The following SMC4 variants were observed in gnomAD, a reference collection of about 807,000 sequenced individuals.
The protein encoded by SMC4 is structural maintenance of chromosomes protein 4.
A neutral mutation model predicts 145.6 loss-of-function variants in SMC4; 87 were observed. The ratio of observed to expected loss-of-function variants is 0.60; its 90% CI spans 0.50 to 0.71. SMC4 has a LOEUF of 0.71. SMC4 is among the 30% of genes least tolerant of loss of function. SMC4 has a pLI of 0.00. For synonymous variants in SMC4, 558 were observed against 500.7 expected, an observed-to-expected ratio of 1.11 and a Z score of -1.53; for missense variants, 1,447 against 1,537.1, an observed-to-expected ratio of 0.94 and a Z score of 0.98.
intron 15 of SMC4, 134 bp downstream of exon 15, chr3:160,423,974 T>A (rs1217989556): frequency 3.7e-6 from 2 of 543,616 alleles, no homozygotes; most frequent in East Asian, 6.0e-5. Flanking sequence ...TTTCTATAAA[T>A]GACTAGGGAT....
At position 160,430,712 on chromosome 3, in the gene SMC4, C is replaced by G. The variant is rs1034061376; in HGVS notation, c.2909C>G (p.Ala970Gly). 3.7e-6 allele frequency: 6 copies of G among 1,612,826 alleles called. No individual in the cohort carries two copies. The highest frequency in any genetic ancestry group is 1.1e-5 in the South Asian group (1 of 90,852). Reference protein sequence around the residue: ...AELKSLEDKAAEVVKNTNAAE... With the variant: ...AELKSLEDKAGEVVKNTNAAE... Reference sequence around the variant, plus strand: ...CTGAAAAGTCTTGAGGACAAAGCAGCAGAGGTCGTAAAGAATACAAATGCT... The same window carrying G: ...CTGAAAAGTCTTGAGGACAAAGCAGGAGAGGTCGTAAAGAATACAAATGCT... The change falls in exon 19 of 24, where the codon GCA (alanine) becomes GGA (glycine). Residue 970 changes from alanine to glycine, a missense_variant. Transcript: ENST00000357388.
In SMC4 at chr3:160,425,020, GTA is replaced by G. The variant is rs749856363; in HGVS notation, c.2478+3_2478+4del. 1.5e-4 allele frequency: 240 copies of G among 1,590,954 alleles called. No homozygotes were observed. The highest frequency in any genetic ancestry group is 8.9e-4 in the East Asian group (39 of 43,980). ...AGAAAAATTTACTGCAAGCATCCAG[GTA>G]TGTGTGTGTGTGTGTGTGTGTGTGT... On this transcript the variant is annotated splice_donor_variant and splice_donor_region_variant and intron_variant, in intron 16 of 23. Coordinates refer to ENST00000357388, the MANE Select transcript of SMC4 (RefSeq NM_001002800.3). LOFTEE classifies it high-confidence loss of function.
chr3:160,421,195 C>G (rs908650835), intron 13 of SMC4, among the ~76,000 whole-genome samples: 8 of 152,074 alleles, frequency 5.3e-5, no homozygotes, highest in African/African-American at 1.9e-4. Context: ...TCCCAGAGTG[C>G]TGGGATTACA....
At chr3:160,430,949 A>T in intron 19 of SMC4, 83 bp from the exon 20 acceptor site, 1 of 1,384,858 alleles carries the variant, frequency 7.2e-7, no homozygotes, top group African/African-American at 1.5e-5. Context: ...ATGAGGAGAG[A>T]TTGGTAATTC....
Position 160,416,336 on chromosome 3 carries a change from AAGAG to A in SMC4, c.1360_1363del (p.Glu454LysfsTer6), listed in dbSNP as rs1259547385. On this transcript the variant is annotated frameshift_variant, in exon 10 of 24. Transcript: ENST00000357388. LOFTEE classifies it high-confidence loss of function. ...AGAAACAATGCCCTCGAGAAGGAAAAAGAGAAAGAAGAAAAAAAATTAAAGGAAG... is the reference window on the plus strand; with the variant it reads ...AGAAACAATGCCCTCGAGAAGGAAAAAAAGAAGAAAAAAAATTAAAGGAAG... 1 of 1,606,928 alleles carries A rather than the reference AAGAG, an allele frequency of 6.2e-7. No individual in the cohort carries two copies. Among genetic ancestry groups the A allele is most frequent in the South Asian group, 1.1e-5 (1 of 89,834 alleles).
intron 2 of SMC4, 66 bp downstream of exon 2, chr3:160,401,031 C>T: frequency 1.5e-6 from 2 of 1,356,500 alleles, no homozygotes; most frequent in South Asian, 1.8e-5. Flanking sequence ...CGCGCCCAGC[C>T]CGAGGCTGGC....
In SMC4 at chr3:160,412,451, T is replaced by C. The variant is rs751696115; in HGVS notation, c.978T>C (p.Tyr326=). 8 of 1,599,868 alleles carry C rather than the reference T, an allele frequency of 5.0e-6. No homozygotes were observed. The highest frequency in any genetic ancestry group is 3.4e-5 in the South Asian group (3 of 89,420). ...AAAAGAATCATGTTTGTCAATATTA[T>C]ATGTAAGTGCCTTGATTGATATTAC... ...FRKKNHVCQY[Y]IYELQKRIAE... is the part of the protein sequence containing the mutation. The change falls in exon 7 of 24, where the codon TAT becomes TAC. Residue 326 remains tyrosine, a splice_region_variant and synonymous_variant. Coordinates refer to ENST00000357388, the MANE Select transcript of SMC4 (RefSeq NM_001002800.3).
chr3:160,416,449 G>T, intron 10 of SMC4, 34 bp downstream of exon 10: 1 of 1,328,096 alleles, frequency 7.5e-7, no homozygotes, highest in Non-Finnish European at 1.0e-6. Flanking sequence ...GTTTATTTTG[G>T]TGGCTTTTTT....
intron 23 of SMC4, 25 bp downstream of exon 23, chr3:160,433,234 AT>A: frequency 6.4e-7 from 1 of 1,552,654 alleles, no homozygotes; most frequent in Non-Finnish European, 8.8e-7. Context: ...TGGGATTTTC[AT>A]TCCAGAAACT....
chr3:160,426,241 A>G (rs76309161), intron 17 of SMC4, 41 bp downstream of exon 17: 1 of 1,492,760 alleles, frequency 6.7e-7, no homozygotes, highest in East Asian at 2.3e-5. Context: ...GAAAAAAAAA[A>G]CAGGTTTTTA....
chr3:160,402,171 GTTTTGTAACTATCCT>G (rs1417498801), intron 3 of SMC4, 78 bp downstream of exon 3: 5 of 918,960 alleles, frequency 5.4e-6, no homozygotes, highest in Non-Finnish European at 6.2e-6. Flanking sequence ...AGATGTTTCA[GTTTTGTAACTATCCT>G]AAAATTCATT....
intron 10 of SMC4, 113 bp downstream of exon 10, chr3:160,416,528 T>G: frequency 1.7e-6 from 1 of 587,366 alleles, no homozygotes; most frequent in East Asian, 2.9e-5. Context: ...ACTTTTAATG[T>G]CCAACATTCC....
In SMC4 at chr3:160,404,449, ATCT is replaced by A. The variant is rs756925226; in HGVS notation, c.638_640del (p.Leu213del). ...AAAAAGACATTTAAGGATGTTGGAA[ATCT>A]TCTTCGAAGCCATGGAATTGACTTG... On this transcript the variant is annotated inframe_deletion, in exon 5 of 24. Coordinates refer to ENST00000357388, the MANE Select transcript of SMC4 (RefSeq NM_001002800.3). 7.4e-6 allele frequency: 12 copies of A among 1,611,104 alleles called. No individual in the cohort carries two copies. The highest frequency in any genetic ancestry group is 1.3e-5 in the African/African-American group (1 of 74,714).
At chr3:160,426,702 A>C (rs1343695058) in intron 17 of SMC4, among the ~76,000 whole-genome samples, 1 of 152,250 alleles carries the variant, frequency 6.6e-6, no homozygotes. Context: ...AAAGGAATTC[A>C]CAGGCAGAAT....
At chr3:160,413,372 A>T in intron 7 of SMC4, 101 bp from the exon 8 acceptor site, 2 of 1,172,874 alleles carry the variant, frequency 1.7e-6, no homozygotes, top group South Asian at 2.9e-5. Flanking sequence ...TGACTAGTTA[A>T]TAATATTTTA....
At chr3:160,430,236 G>A (rs1718249576) in intron 18 of SMC4, among the ~76,000 whole-genome samples, 1 of 152,148 alleles carries the variant, frequency 6.6e-6, no homozygotes, top group Admixed American at 6.5e-5. Flanking sequence ...TTGTTGCCTT[G>A]TCTTGAATTG....
intron 12 of SMC4, among the ~76,000 whole-genome samples, chr3:160,420,084 C>A (rs562512371): frequency 3.9e-5 from 6 of 152,256 alleles, no homozygotes; most frequent in African/African-American, 1.4e-4. Context: ...TGCTTCTTAG[C>A]TTCGAGGGAA....
intron 5 of SMC4, among the ~76,000 whole-genome samples, chr3:160,411,226 C>T (rs534381908): frequency 2.6e-5 from 4 of 152,214 alleles, no homozygotes; most frequent in African/African-American, 7.2e-5. Context: ...TGAAAGTTTT[C>T]TGATGTCTTA....
intron 7 of SMC4, chr3:160,412,775 C>T: frequency 5.5e-6 from 5 of 915,940 alleles, no homozygotes; most frequent in Non-Finnish European, 6.5e-6. Flanking sequence ...CGTTGATCAC[C>T]AGGGTTGAAT....
Sources: gnomAD v4.1 joint callset for allele counts (sites outside exome capture counted in the v4.1 genomes callset) on GRCh38, gnomAD v4.1.1 for gene constraint, MANE v1.5 for transcripts, NCBI Gene and HGNC (gene_info 2026-07-23, HGNC 2026-07-21) for gene names.